Variants in HMCN1 observed in about 807,000 individuals in gnomAD.
HMCN1 encodes the protein hemicentin-1.
Under a neutral mutation model 625.9 loss-of-function variants are expected in HMCN1, and 321 were observed. The observed-to-expected ratio is 0.51, with a 90% CI of 0.47 to 0.56. HMCN1 has a LOEUF of 0.56. HMCN1 is among the 20% of genes least tolerant of loss of function. HMCN1 has a pLI of 0.00. For synonymous variants in HMCN1, 2,425 were observed against 2,417.6 expected, an observed-to-expected ratio of 1.00 and a Z score of -0.09; for missense variants, 6,588 against 6,887.3, an observed-to-expected ratio of 0.96 and a Z score of 1.54.
chr1:185,937,612 T>G (rs1427539656), intron 11 of HMCN1, among the ~76,000 whole-genome samples: 1 of 152,072 alleles, frequency 6.6e-6, no homozygotes, highest in Non-Finnish European at 1.5e-5. Flanking sequence ...CTGGACGCAG[T>G]GGCTCACGCC....
At chr1:185,757,250 G>A (rs1655191565) in intron 1 of HMCN1, among the ~76,000 whole-genome samples, 4 of 152,166 alleles carry the variant, frequency 2.6e-5, no homozygotes, top group Admixed American at 2.6e-4. Context: ...TGGGATTACA[G>A]GCGTGAGCCA....
intron 48 of HMCN1, among the ~76,000 whole-genome samples, chr1:186,063,553 A>G (rs891462748): frequency 6.6e-6 from 1 of 152,046 alleles, no homozygotes; most frequent in African/African-American, 2.4e-5. Flanking sequence ...TTCTCTTTTG[A>G]AAAATTATTC....
At chr1:185,922,546 G>C in intron 7 of HMCN1, 47 bp downstream of exon 7, 1 of 1,508,600 alleles carries the variant, frequency 6.6e-7, no homozygotes, top group Non-Finnish European at 9.1e-7. Context: ...ATATCCAAAT[G>C]AAAAATATTT....
At chr1:185,893,551 C>T (rs901266074) in intron 4 of HMCN1, among the ~76,000 whole-genome samples, 2 of 152,106 alleles carry the variant, frequency 1.3e-5, no homozygotes, top group East Asian at 1.9e-4. Flanking sequence ...AATGGTTTCC[C>T]GAGTGTGTGG....
chr1:185,997,510 C>T lies in HMCN1; in HGVS notation c.3860C>T (p.Pro1287Leu). ...ERVANQRIEF[P>L]CPAKGTPKPT... ...GTGGCCAATCAACGCATTGAATTTC[C>T]ATGTCCTGCAAAAGGTACGTAATAC... is the stretch of plus-strand genomic sequence containing the variant. Residue 1287 changes from proline (P) to leucine (L), a missense_variant, in exon 25 of 107, where the codon CCA (proline) becomes CTA (leucine). This residue lies in a region of HMCN1 where 4,628 missense variants were observed against 4,853.1 expected (regional missense o/e 0.95). Coordinates refer to ENST00000271588, the MANE Select transcript of HMCN1 (RefSeq NM_031935.3). The T allele has an allele frequency of 6.2e-7, 1 of 1,607,690 alleles. No individual in the cohort carries two copies.
chr1:185,980,706 C>T (rs920524054), intron 16 of HMCN1, among the ~76,000 whole-genome samples: 1 of 152,174 alleles, frequency 6.6e-6, no homozygotes, highest in Non-Finnish European at 1.5e-5. Context: ...ACTGCCCGTC[C>T]TCTATTCTAC....
rs1661480969 is a variant in HMCN1, at chr1:186,123,176, A to G, written c.12455A>G (p.Asn4152Ser). ...GGCCATTACACGTGCATGGCAGCCA[A>G]TGTAGCAGGATCAAGCAGCACAAGC... ...DAGHYTCMAA[N>S]VAGSSSTSTK... Residue 4152 changes from asparagine (N) to serine (S), a missense_variant, in exon 81 of 107, where the codon AAT (asparagine) becomes AGT (serine). Transcript: ENST00000271588. 2.5e-6 allele frequency: 4 copies of G among 1,614,034 alleles called. No homozygotes were observed. The highest frequency in any genetic ancestry group is 2.2e-5 in the East Asian group (1 of 44,864).
chr1:186,042,402 G>A (rs1197443581), intron 40 of HMCN1, among the ~76,000 whole-genome samples: 1 of 152,164 alleles, frequency 6.6e-6, no homozygotes, highest in Non-Finnish European at 1.5e-5. Flanking sequence ...CAAGTAGAGG[G>A]ATGACGTTGG....
intron 25 of HMCN1, among the ~76,000 whole-genome samples, chr1:185,999,412 G>A (rs1653024881): frequency 6.6e-6 from 1 of 151,680 alleles, no homozygotes; most frequent in Non-Finnish European, 1.5e-5. Context: ...TTCTCCAAGA[G>A]TACATCATTT....
intron 52 of HMCN1, among the ~76,000 whole-genome samples, chr1:186,073,842 T>G (rs1038017060): frequency 1.3e-5 from 2 of 151,632 alleles, no homozygotes; most frequent in Non-Finnish European, 2.9e-5. Context: ...TAGGAAGTGA[T>G]AGTCACCAAA....
intron 1 of HMCN1, among the ~76,000 whole-genome samples, chr1:185,759,750 C>A (rs1261149521): frequency 6.6e-6 from 1 of 151,566 alleles, no homozygotes; most frequent in Non-Finnish European, 1.5e-5. Context: ...TGTTTAGTAT[C>A]TTTGATATGG....
chr1:185,993,086 A>C (rs1055339671), intron 22 of HMCN1, 96 bp from the exon 23 acceptor site: 2 of 1,234,076 alleles, frequency 1.6e-6, no homozygotes, highest in Admixed American at 3.4e-5. Context: ...TTAAAAAACT[A>C]CTTGCAGAGT....
At position 186,090,829 on chromosome 1, in the gene HMCN1, G is replaced by C. The variant is rs1452862430; in HGVS notation, c.9799G>C (p.Val3267Leu). The change falls in exon 64 of 107, where the codon GTC (valine) becomes CTC (leucine). Residue 3267 changes from valine (V) to leucine (L), a missense_variant. Val to Leu is a conservative substitution (Grantham distance 32, BLOSUM62 1). Around this residue, in one of 3 missense-constraint regions of HMCN1, gnomAD observed 4,628 missense variants for 4,853.1 expected, o/e 0.95. Transcript: ENST00000271588. ...CCTTCTAGGAGAAAATGTTGAGCTG[G>C]TCTGCAATGCAAATGGCATTCCTAC... ...SVLLGENVELVCNANGIPTPL... is the reference protein window; with the variant it reads ...SVLLGENVELLCNANGIPTPL... 6.2e-7 allele frequency: 1 copy of C among 1,612,598 alleles called. No individual in the cohort carries two copies. The highest frequency in any genetic ancestry group is 1.7e-5 in the Admixed American group (1 of 59,818).
At chr1:186,189,160 T>C (rs1418866012) in intron 106 of HMCN1, among the ~76,000 whole-genome samples, 1 of 152,222 alleles carries the variant, frequency 6.6e-6, no homozygotes, top group African/African-American at 2.4e-5. Flanking sequence ...TGTATTCCTC[T>C]TTAAGAAGTA....
At chr1:186,111,003 C>T (rs867525434) in intron 71 of HMCN1, among the ~76,000 whole-genome samples, 36 of 31,668 alleles carry the variant, frequency 1.1e-3, no homozygotes, top group Admixed American at 6.2e-3. Flanking sequence ...TTTTTTGAGA[C>T]GGAGTCTCGC....
intron 35 of HMCN1, among the ~76,000 whole-genome samples, chr1:186,020,548 G>A (rs1654656677): frequency 6.6e-6 from 1 of 152,088 alleles, no homozygotes; most frequent in Non-Finnish European, 1.5e-5. Context: ...TTATTTACCT[G>A]GGAGACAGAT....
chr1:185,762,859 A>T (rs1208973563), intron 1 of HMCN1, among the ~76,000 whole-genome samples: 1 of 152,220 alleles, frequency 6.6e-6, no homozygotes, highest in Non-Finnish European at 1.5e-5. Context: ...TGCAAAACTC[A>T]GACTTTTAAA....
intron 1 of HMCN1, among the ~76,000 whole-genome samples, chr1:185,795,568 G>C (rs1658316071): frequency 6.6e-6 from 1 of 152,192 alleles, no homozygotes; most frequent in Non-Finnish European, 1.5e-5. Flanking sequence ...GGAATGTCCT[G>C]AGTGTGGGGA....
intron 4 of HMCN1, among the ~76,000 whole-genome samples, chr1:185,907,483 T>C (rs1666161359): frequency 6.6e-6 from 1 of 151,942 alleles, no homozygotes; most frequent in South Asian, 2.1e-4. Flanking sequence ...TCCAGCCTCA[T>C]CTTCTTCTTT....
Sources: gnomAD v4.1 joint callset for allele counts (sites outside exome capture counted in the v4.1 genomes callset) on GRCh38, gnomAD v4.1.1 for gene constraint, gnomAD v4.1.1 regional missense constraint, MANE v1.5 for transcripts, NCBI Gene and HGNC (gene_info 2026-07-23, HGNC 2026-07-21) for gene names.